The following DPP10 variants were observed in gnomAD, a reference collection of about 807,000 sequenced individuals.
DPP10 encodes dipeptidyl peptidase like 10.
In DPP10, 33 loss-of-function variants were observed where a neutral mutation model predicts 120.9. The ratio of observed to expected loss-of-function variants is 0.27; its 90% CI spans 0.21 to 0.37. The LOEUF (loss-of-function observed/expected upper bound fraction) is 0.37, where lower values mean the gene tolerates loss of function less well. Ranked by LOEUF, DPP10 falls within the 10% of genes least tolerant of loss-of-function variation. DPP10 has a pLI of 1.00. For missense variants in DPP10, 816 were observed against 942.8 expected, an observed-to-expected ratio of 0.87 and a Z score of 1.76; for synonymous variants, 337 against 326.1, an observed-to-expected ratio of 1.03 and a Z score of -0.36.
chr2:115,037,192 C>T (rs977221), intron 1 of DPP10, among the ~76,000 whole-genome samples: 147,368 of 152,264 alleles, frequency 0.97, 71,526 homozygotes, highest in Middle Eastern at 1. Flanking sequence ...TAGTTACATT[C>T]TACCATTTAG....
At chr2:115,289,463 A>G (rs1253654975) in intron 1 of DPP10, among the ~76,000 whole-genome samples, 47 of 148,602 alleles carry the variant, frequency 3.2e-4, no homozygotes, top group African/African-American at 1.1e-3. Context: ...TAGAAAAAAC[A>G]AGCCTAAAAT....
intron 1 of DPP10, among the ~76,000 whole-genome samples, chr2:115,014,711 A>C (rs1702507903): frequency 5.3e-5 from 8 of 152,066 alleles, no homozygotes; most frequent in Admixed American, 5.2e-4. Flanking sequence ...TATTATAAAC[A>C]CCTCTATGCA....
chr2:115,583,257 A>C (rs773789134), intron 5 of DPP10, among the ~76,000 whole-genome samples: 2 of 152,162 alleles, frequency 1.3e-5, no homozygotes, highest in African/African-American at 2.4e-5. Context: ...CCAGTTATTT[A>C]CTGTTGCACA....
chr2:115,654,864 A>T (rs982927501), intron 5 of DPP10, among the ~76,000 whole-genome samples: 2 of 151,880 alleles, frequency 1.3e-5, no homozygotes. Flanking sequence ...TGATAGGGTC[A>T]TTAGAGTAAC....
chr2:115,039,403 G>C (rs1265498829), intron 1 of DPP10, among the ~76,000 whole-genome samples: 2 of 152,154 alleles, frequency 1.3e-5, no homozygotes, highest in Non-Finnish European at 2.9e-5. Flanking sequence ...CAAATGGTTT[G>C]TTACTGCAAA....
At chr2:115,096,120 C>T (rs1462435292) in intron 1 of DPP10, among the ~76,000 whole-genome samples, 1 of 152,128 alleles carries the variant, frequency 6.6e-6, no homozygotes, top group African/African-American at 2.4e-5. Context: ...CACTTAGACC[C>T]ATAGTTCCCA....
intron 3 of DPP10, among the ~76,000 whole-genome samples, chr2:115,425,493 C>T (rs926875409): frequency 6.6e-6 from 1 of 152,096 alleles, no homozygotes; most frequent in Non-Finnish European, 1.5e-5. Context: ...CAAAATTGCT[C>T]ATTCTCAGAG....
rs958267734 is a variant in DPP10, at chr2:115,452,865, A to G, written c.272-46645A>G. On this transcript the variant is annotated intron_variant, in intron 3 of 25. Coordinates refer to ENST00000410059, the MANE Select transcript of DPP10 (RefSeq NM_020868.6). Reference sequence around the variant, plus strand: ...TCGTTTAGTAGGTCAGATTCTCCATATCATTATAGTGATGAGCATATAGTA... The same window carrying G: ...TCGTTTAGTAGGTCAGATTCTCCATGTCATTATAGTGATGAGCATATAGTA... 2.0e-5 allele frequency among the ~76,000 whole-genome samples: 3 copies of G among 151,904 alleles called. 1 individual carries two copies. Among genetic ancestry groups the G allele is most frequent in the African/African-American group, 7.2e-5 (3 of 41,420 alleles).
intron 1 of DPP10, among the ~76,000 whole-genome samples, chr2:114,974,679 T>C (rs1699633852): frequency 6.6e-6 from 1 of 152,062 alleles, no homozygotes; most frequent in Non-Finnish European, 1.5e-5. Flanking sequence ...AGTGCTGGGA[T>C]TACAGGCGTG....
At chr2:114,489,906 G>T (rs1185941487) in intron 1 of DPP10, among the ~76,000 whole-genome samples, 1 of 152,214 alleles carries the variant, frequency 6.6e-6, no homozygotes, top group African/African-American at 2.4e-5. Context: ...TCTCTCAACT[G>T]TGAACTGGGC....
intron 4 of DPP10, among the ~76,000 whole-genome samples, chr2:115,521,355 G>C (rs2077796504): frequency 6.6e-6 from 1 of 152,040 alleles, no homozygotes; most frequent in Admixed American, 6.6e-5. Flanking sequence ...GAGGCTTTCT[G>C]GCATCTCTCT....
chr2:115,195,632 A>G (rs1342401586), intron 1 of DPP10, among the ~76,000 whole-genome samples: 1 of 152,162 alleles, frequency 6.6e-6, no homozygotes, highest in Non-Finnish European at 1.5e-5. Context: ...AATTATTATT[A>G]CTTTTTTTGT....
intron 8 of DPP10, among the ~76,000 whole-genome samples, chr2:115,735,291 T>C (rs895771835): frequency 1.3e-5 from 2 of 152,148 alleles, no homozygotes; most frequent in Non-Finnish European, 2.9e-5. Flanking sequence ...ATATCTGAAA[T>C]CTGTAAACAT....
At chr2:115,410,572 A>C (rs2068872827) in intron 3 of DPP10, among the ~76,000 whole-genome samples, 1 of 152,214 alleles carries the variant, frequency 6.6e-6, no homozygotes, top group Non-Finnish European at 1.5e-5. Context: ...CCACCATGGC[A>C]CACGTTAACC....
intron 3 of DPP10, among the ~76,000 whole-genome samples, chr2:115,364,492 C>T (rs1033211927): frequency 1.3e-5 from 2 of 151,958 alleles, no homozygotes; most frequent in Non-Finnish European, 2.9e-5. Flanking sequence ...TATCCCCAAA[C>T]CATGTCTTTT....
rs367939885 is a variant in DPP10, at chr2:115,817,808, C to G, written c.1950+2079C>G. ...ACTGTTAAGCCTTAGGGACATTGTG[C>G]TAGGTGAAGATAGCCAGTCACAGAA... On this transcript the variant is annotated intron_variant, in intron 21 of 25. Coordinates refer to ENST00000410059, the MANE Select transcript of DPP10 (RefSeq NM_020868.6). 7.3e-5 allele frequency among the ~76,000 whole-genome samples: 11 copies of G among 151,688 alleles called. No homozygotes were observed. The East Asian group carries it at 1.2e-3, about 16-fold the overall frequency.
chr2:115,143,271 A>G (rs1167986322), intron 1 of DPP10, among the ~76,000 whole-genome samples: 2 of 152,198 alleles, frequency 1.3e-5, no homozygotes, highest in Non-Finnish European at 1.5e-5. Flanking sequence ...ACCTACTGGT[A>G]AAGTCCATTG....
intron 1 of DPP10, among the ~76,000 whole-genome samples, chr2:115,012,818 A>T (rs1015205310): frequency 6.6e-6 from 1 of 152,206 alleles, no homozygotes; most frequent in Non-Finnish European, 1.5e-5. Flanking sequence ...CCAAAGCAAG[A>T]CAAAATTTCT....
At chr2:114,687,848 C>A (rs1699475280) in intron 1 of DPP10, among the ~76,000 whole-genome samples, 1 of 152,022 alleles carries the variant, frequency 6.6e-6, no homozygotes, top group South Asian at 2.1e-4. Context: ...ACAACCTCAC[C>A]TGGTGACACA....
Sources: gnomAD v4.1 joint callset for allele counts (sites outside exome capture counted in the v4.1 genomes callset) on GRCh38, gnomAD v4.1.1 for gene constraint, MANE v1.5 for transcripts, NCBI Gene and HGNC (gene_info 2026-07-23, HGNC 2026-07-21) for gene names.